The following MAML2 variants were observed in gnomAD, a reference collection of about 807,000 sequenced individuals.
MAML2 encodes the protein mastermind like transcriptional coactivator 2, also known as mastermind-like protein 2.
MAML2 carries 22 observed loss-of-function variants against 96.1 expected under a neutral mutation model. The observed-to-expected ratio is 0.23, with a 90% CI of 0.16 to 0.33. The LOEUF is 0.33. Among genes scored for constraint, MAML2 ranks in the 10% least tolerant of loss-of-function variants. The pLI is 1.00. For missense variants in MAML2, 1,367 were observed against 1,392.4 expected, an observed-to-expected ratio of 0.98 and a Z score of 0.29; for synonymous variants, 561 against 521.3, an observed-to-expected ratio of 1.08 and a Z score of -1.04.
At chr11:96,087,165 G>A (rs970935643) in intron 2 of MAML2, among the ~76,000 whole-genome samples, 5 of 152,080 alleles carry the variant, frequency 3.3e-5, no homozygotes, top group Non-Finnish European at 5.9e-5. Context: ...ATGGCACAAA[G>A]TTAGTGCTAA....
intron 2 of MAML2, among the ~76,000 whole-genome samples, chr11:95,996,612 G>T (rs1310325910): frequency 6.6e-6 from 1 of 152,088 alleles, no homozygotes; most frequent in Non-Finnish European, 1.5e-5. Flanking sequence ...GTTTTACCAT[G>T]TACCTACTAT....
chr11:96,049,725 T>A (rs1261695515), intron 2 of MAML2, among the ~76,000 whole-genome samples: 1 of 152,210 alleles, frequency 6.6e-6, no homozygotes, highest in Non-Finnish European at 1.5e-5. Context: ...AGTAAGAATT[T>A]AATAAACAGA....
At chr11:96,020,425 T>C (rs1471095235) in intron 2 of MAML2, among the ~76,000 whole-genome samples, 3 of 152,202 alleles carry the variant, frequency 2.0e-5, no homozygotes, top group Admixed American at 2.0e-4. Context: ...GTATCTAACT[T>C]ATGGCCAATT....
rs773783420 is a variant in MAML2, at chr11:96,093,465, C to T, written c.566G>A (p.Ser189Asn). The change falls in exon 2 of 5, where the codon AGC becomes AAC. Residue 189 changes from serine (S) to asparagine (N), a missense_variant. Ser to Asn is a conservative substitution (Grantham distance 46, BLOSUM62 1). Transcript: ENST00000524717. ...GTCCACAAAGCCATTGGGTCGCTTG[C>T]TGTTGGCAGGAGATAGGTTAACTAC... ...KQVVNLSPAN[S>N]KRPNGFVDNS... 1.9e-6 allele frequency: 3 copies of T among 1,613,862 alleles called. No homozygotes were observed. In the South Asian group the frequency reaches 3.3e-5, roughly 18 times the overall value.
At chr11:96,292,902 A>G (rs1344032687) in intron 1 of MAML2, among the ~76,000 whole-genome samples, 1 of 152,182 alleles carries the variant, frequency 6.6e-6, no homozygotes, top group Non-Finnish European at 1.5e-5. Context: ...CCTAGACCAC[A>G]AAAGAGGCAT....
At chr11:96,211,835 T>A (rs1178954557) in intron 1 of MAML2, among the ~76,000 whole-genome samples, 1 of 152,128 alleles carries the variant, frequency 6.6e-6, no homozygotes, top group African/African-American at 2.4e-5. Flanking sequence ...TCAACAAAGA[T>A]AAAATTCAGT....
At chr11:96,269,193 T>A (rs1862875494) in intron 1 of MAML2, among the ~76,000 whole-genome samples, 1 of 144,638 alleles carries the variant, frequency 6.9e-6, no homozygotes. Flanking sequence ...GACGGATGAC[T>A]TCATGGTGGG....
chr11:96,279,929 G>A (rs894993628), intron 1 of MAML2, among the ~76,000 whole-genome samples: 4 of 152,158 alleles, frequency 2.6e-5, no homozygotes, highest in African/African-American at 9.7e-5. Context: ...AACTGCAAGA[G>A]CTCATTTCTC....
At chr11:96,044,557 G>T (rs1858865938) in intron 2 of MAML2, among the ~76,000 whole-genome samples, 1 of 152,126 alleles carries the variant, frequency 6.6e-6, no homozygotes, top group Non-Finnish European at 1.5e-5. Flanking sequence ...CTTAATCTTG[G>T]CATAGAGGGA....
At chr11:95,985,499 T>C (rs1857810865) in intron 4 of MAML2, 32 bp downstream of exon 4, 2 of 1,321,780 alleles carry the variant, frequency 1.5e-6, no homozygotes, top group South Asian at 2.7e-5. Flanking sequence ...CTTTCACAGC[T>C]ATAATTTTTA....
intron 3 of MAML2, among the ~76,000 whole-genome samples, chr11:95,987,622 A>G (rs1857848031): frequency 6.6e-6 from 1 of 152,212 alleles, no homozygotes; most frequent in Non-Finnish European, 1.5e-5. Flanking sequence ...GACTTAAACC[A>G]TGTGTTTCTC....
intron 1 of MAML2, among the ~76,000 whole-genome samples, chr11:96,340,211 C>T (rs1203140159): frequency 6.6e-6 from 1 of 152,230 alleles, no homozygotes; most frequent in African/African-American, 2.4e-5. Flanking sequence ...CAATATCAAG[C>T]TCCTTTGGAG....
At chr11:96,032,668 A>G (rs1858637100) in intron 2 of MAML2, among the ~76,000 whole-genome samples, 4 of 152,164 alleles carry the variant, frequency 2.6e-5, no homozygotes, top group Admixed American at 2.0e-4. Flanking sequence ...GTGAATAGAT[A>G]AACAAACTAT....
At chr11:96,094,500 A>C (rs1207933527) in intron 1 of MAML2, among the ~76,000 whole-genome samples, 7 of 152,266 alleles carry the variant, frequency 4.6e-5, no homozygotes, top group Admixed American at 4.6e-4. Context: ...GGCTTACTAC[A>C]TGCTGAAAGG....
intron 2 of MAML2, among the ~76,000 whole-genome samples, chr11:96,001,629 C>T (rs1424865848): frequency 7.1e-6 from 1 of 141,460 alleles, no homozygotes; most frequent in African/African-American, 2.7e-5. Context: ...AGGTTGAGAA[C>T]TCAACCCCCC....
intron 1 of MAML2, among the ~76,000 whole-genome samples, chr11:96,127,102 G>C (rs558872369): frequency 6.6e-6 from 1 of 151,132 alleles, no homozygotes; most frequent in East Asian, 1.9e-4. Context: ...AGCTTGAAAG[G>C]TGCAGAGTGT....
chr11:96,153,231 C>T (rs539938990), intron 1 of MAML2, among the ~76,000 whole-genome samples: 1 of 151,116 alleles, frequency 6.6e-6, no homozygotes, highest in Non-Finnish European at 1.5e-5. Flanking sequence ...TCCCAAATGA[C>T]GCTTGCTCCT....
chr11:96,026,410 G>A (rs1360933095), intron 2 of MAML2, among the ~76,000 whole-genome samples: 1 of 152,160 alleles, frequency 6.6e-6, no homozygotes. Flanking sequence ...GTTTGAATTG[G>A]ATCTTTGGCC....
In MAML2 at chr11:95,979,795, C is replaced by T. The variant is rs925990213; in HGVS notation, c.2624G>A (p.Cys875Tyr). ...QNMGMYGNLP[C>Y]NQPNTYSVTS... ...GACACTGTATGTGTTAGGTTGATTA[C>T]AAGGCAGATTTCCATACATCCCCAT... is the stretch of plus-strand genomic sequence containing the variant. Residue 875 changes from cysteine to tyrosine, a missense_variant, in exon 5 of 5, where the codon TGT (cysteine) becomes TAT (tyrosine). Physicochemically the swap from Cys to Tyr is radical, Grantham distance 194 (BLOSUM62 -2). Transcript: ENST00000524717. 1 of 1,613,874 alleles carries T rather than the reference C, an allele frequency of 6.2e-7. No homozygotes were observed. The highest frequency in any genetic ancestry group is 1.3e-5 in the African/African-American group (1 of 74,986).
Sources: allele counts gnomAD v4.1 joint callset (sites outside exome capture counted in the v4.1 genomes callset), GRCh38; gene constraint gnomAD v4.1.1; transcripts MANE v1.5; gene names NCBI Gene and HGNC (gene_info 2026-07-23, HGNC 2026-07-21).